Variants in DSCAM observed in about 807,000 individuals in gnomAD.
DSCAM encodes DS cell adhesion molecule, also known as cell adhesion molecule DSCAM.
Under a neutral mutation model 217.7 loss-of-function variants are expected in DSCAM, and 47 were observed. The ratio of observed to expected loss-of-function variants is 0.22; its 90% CI spans 0.17 to 0.28. DSCAM has a LOEUF of 0.28. Ranked by LOEUF, DSCAM falls within the 10% of genes least tolerant of loss-of-function variation. The pLI, the probability that DSCAM is intolerant of heterozygous loss-of-function variation, is 1.00. For synonymous variants in DSCAM, 1,056 were observed against 1,015.3 expected (o/e 1.04, Z -0.76); for missense variants, 2,080 against 2,618.3 (o/e 0.79, Z 4.49).
intron 1 of DSCAM, among the ~76,000 whole-genome samples, chr21:40,833,432 G>T (rs2092028418): frequency 6.6e-6 from 1 of 152,150 alleles, no homozygotes; most frequent in African/African-American, 2.4e-5. Flanking sequence ...GGTGCTTCAG[G>T]CACAGGGCAA....
intron 1 of DSCAM, among the ~76,000 whole-genome samples, chr21:40,793,773 G>A (rs1299249452): frequency 6.6e-6 from 1 of 152,174 alleles, no homozygotes; most frequent in Non-Finnish European, 1.5e-5. Context: ...TTACAGGCAT[G>A]AGCCACGATG....
At chr21:40,536,610 G>T (rs1055588209) in intron 3 of DSCAM, among the ~76,000 whole-genome samples, 3 of 152,064 alleles carry the variant, frequency 2.0e-5, no homozygotes, top group Non-Finnish European at 4.4e-5. Flanking sequence ...GTTTCACCAT[G>T]TTAGCCAGGA....
chr21:40,400,980 C>A (rs1174454668), intron 3 of DSCAM, among the ~76,000 whole-genome samples: 1 of 152,138 alleles, frequency 6.6e-6, no homozygotes, highest in Non-Finnish European at 1.5e-5. Flanking sequence ...GGGAGGCTGT[C>A]AAGTACATAA....
At chr21:40,263,031 A>G (rs1421029089) in intron 11 of DSCAM, among the ~76,000 whole-genome samples, 1 of 152,248 alleles carries the variant, frequency 6.6e-6, no homozygotes, top group African/African-American at 2.4e-5. Flanking sequence ...TAGGCTATAC[A>G]AATAAAAGAG....
chr21:40,533,883 C>T (rs973336950), intron 3 of DSCAM, among the ~76,000 whole-genome samples: 2 of 152,166 alleles, frequency 1.3e-5, no homozygotes, highest in African/African-American at 4.8e-5. Flanking sequence ...AATATTCTAG[C>T]TTCTTCAAGT....
At chr21:40,448,544 T>A (rs2075693520) in intron 3 of DSCAM, among the ~76,000 whole-genome samples, 1 of 152,106 alleles carries the variant, frequency 6.6e-6, no homozygotes, top group Non-Finnish European at 1.5e-5. Context: ...AGGGAAATGA[T>A]CATGGGACTG....
intron 11 of DSCAM, among the ~76,000 whole-genome samples, chr21:40,197,984 T>C (rs2091031994): frequency 6.6e-6 from 1 of 152,152 alleles, no homozygotes; most frequent in Admixed American, 6.5e-5. Context: ...TCTGACAGCC[T>C]GACTGTCTTC....
intron 11 of DSCAM, among the ~76,000 whole-genome samples, chr21:40,238,413 T>C (rs895783213): frequency 1.3e-5 from 2 of 152,160 alleles, no homozygotes; most frequent in African/African-American, 4.8e-5. Context: ...GGCTCTGTGT[T>C]TTAAAACCAG....
chr21:40,394,818 G>A (rs981529830), intron 3 of DSCAM, among the ~76,000 whole-genome samples: 1 of 152,206 alleles, frequency 6.6e-6, no homozygotes, highest in African/African-American at 2.4e-5. Context: ...TACCAGTTCA[G>A]ACTTGGATCC....
intron 3 of DSCAM, among the ~76,000 whole-genome samples, chr21:40,621,973 G>A (rs1257741698): frequency 6.7e-6 from 1 of 150,222 alleles, no homozygotes; most frequent in South Asian, 2.1e-4. Context: ...AGAAAGGAGG[G>A]AGGGGAAAAA....
intron 3 of DSCAM, among the ~76,000 whole-genome samples, chr21:40,670,987 T>C (rs1371185142): frequency 6.6e-6 from 1 of 152,126 alleles, no homozygotes; most frequent in Non-Finnish European, 1.5e-5. Context: ...AATCAGATTA[T>C]AAGAAAATGC....
At chr21:40,614,740 C>G (rs376319836) in intron 3 of DSCAM, among the ~76,000 whole-genome samples, 3 of 152,204 alleles carry the variant, frequency 2.0e-5, no homozygotes, top group African/African-American at 7.2e-5. Flanking sequence ...GATGGAATAC[C>G]ATGCGGCCAT....
intron 32 of DSCAM, among the ~76,000 whole-genome samples, chr21:40,032,110 CTCTG>C (rs1404078287): frequency 6.6e-6 from 1 of 152,190 alleles, no homozygotes; most frequent in Non-Finnish European, 1.5e-5. Context: ...GTAGAAACAG[CTCTG>C]TCAGCTTCAT....
intron 3 of DSCAM, among the ~76,000 whole-genome samples, chr21:40,532,565 T>G (rs2837682): frequency 0.19 from 28,616 of 152,090 alleles, 3,074 homozygotes; most frequent in South Asian, 0.28. Flanking sequence ...GATTTATATG[T>G]AGTGTTCAGA....
chr21:40,116,723 C>G (rs1290925883), intron 20 of DSCAM, among the ~76,000 whole-genome samples: 1 of 151,460 alleles, frequency 6.6e-6, no homozygotes, highest in East Asian at 1.9e-4. Flanking sequence ...AGAGATTCGA[C>G]CGGGCGCGGT....
rs189317981 is a variant in DSCAM at position 40,084,146 on chromosome 21, T to C, written c.4133-140A>G. ...TTTGCCAAAATATACAATTCACTTC[T>C]GTCAAAATGTCTATTTAGTTGATAT... On this transcript the variant is annotated intron_variant, in intron 23 of 32. Coordinates refer to ENST00000400454, the MANE Select transcript of DSCAM (RefSeq NM_001389.5). 4,385 of 609,260 alleles carry C rather than the reference T, an allele frequency of 7.2e-3. 46 individuals are homozygous for C. The highest frequency in any genetic ancestry group is 0.022 in the South Asian group (1,062 of 48,680). 37.7% of individuals were successfully genotyped at this position (609,260 alleles called of 1,614,324 possible).
intron 19 of DSCAM, among the ~76,000 whole-genome samples, chr21:40,127,176 TGTACA>T (rs1203204862): frequency 1.3e-5 from 2 of 152,236 alleles, no homozygotes; most frequent in Non-Finnish European, 2.9e-5. Context: ...TATTGTTCTC[TGTACA>T]GTAAGCACCA....
intron 32 of DSCAM, among the ~76,000 whole-genome samples, chr21:40,041,066 A>T (rs1458567147): frequency 1.3e-5 from 2 of 152,200 alleles, no homozygotes; most frequent in African/African-American, 4.8e-5. Context: ...GGTATGGAAG[A>T]TTATTTGCTG....
intron 11 of DSCAM, among the ~76,000 whole-genome samples, chr21:40,191,066 C>T (rs920302487): frequency 1.3e-5 from 2 of 152,234 alleles, no homozygotes; most frequent in South Asian, 2.1e-4. Flanking sequence ...GCTCAGACTA[C>T]GTACTTGATT....
Sources: allele counts gnomAD v4.1 joint callset (sites outside exome capture counted in the v4.1 genomes callset), GRCh38; gene constraint gnomAD v4.1.1; transcripts MANE v1.5; gene names NCBI Gene and HGNC (gene_info 2026-07-23, HGNC 2026-07-21).